The following UNC93A variants were observed in gnomAD, a reference collection of about 807,000 sequenced individuals.
UNC93A encodes the protein unc-93 homolog A.
A neutral mutation model predicts 47.5 loss-of-function variants in UNC93A; 43 were observed. The observed-to-expected ratio is 0.91, with a 90% CI of 0.71 to 1.17. The LOEUF (loss-of-function observed/expected upper bound fraction) is 1.17, where lower values mean the gene tolerates loss of function less well. UNC93A is among the 50% of genes most tolerant of loss of function. UNC93A has a pLI of 0.00. For synonymous variants in UNC93A, 280 were observed against 258.0 expected, an observed-to-expected ratio of 1.09 and a Z score of -0.82; for missense variants, 605 against 577.6, an observed-to-expected ratio of 1.05 and a Z score of -0.49.
At chr6:167,310,619 C>G (rs943932224) in intron 7 of UNC93A, among the ~76,000 whole-genome samples, 2 of 152,116 alleles carry the variant, frequency 1.3e-5, no homozygotes, top group Non-Finnish European at 2.9e-5. Flanking sequence ...GGTGTCTCAC[C>G]CCTGTAATCC....
chr6:167,298,052 C>G lies in UNC93A; in HGVS notation c.607C>G (p.Leu203Val). ...QRPSQQLVYT[L>V]LGIYTGSGVL... ...GCCCTCCCAGCAGCTGGTCTACACC[C>G]TCCTGGGCATCTACACTGGTACGAG... Residue 203 changes from leucine to valine, a missense_variant, in exon 4 of 8, where the codon CTC becomes GTC. Transcript: ENST00000230256. 6.2e-7 allele frequency: 1 copy of G among 1,613,548 alleles called. No individual in the cohort carries two copies. Among genetic ancestry groups the G allele is most frequent in the South Asian group, 1.1e-5 (1 of 91,006 alleles).
At chr6:167,279,697 G>A (rs1292435218) in intron 1 of UNC93A, among the ~76,000 whole-genome samples, 1 of 152,088 alleles carries the variant, frequency 6.6e-6, no homozygotes, top group East Asian at 1.9e-4. Flanking sequence ...TAATACTCAT[G>A]GAATTTTCCA....
At chr6:167,299,011 G>A (rs539550962) in intron 4 of UNC93A, among the ~76,000 whole-genome samples, 2 of 151,392 alleles carry the variant, frequency 1.3e-5, no homozygotes, top group East Asian at 3.9e-4. Context: ...CCAGCTACTC[G>A]GGGGGCTGAG....
chr6:167,304,568 C>CTTTCTTTT (rs1583087235), intron 5 of UNC93A, among the ~76,000 whole-genome samples: 2 of 140,442 alleles, frequency 1.4e-5, no homozygotes, highest in East Asian at 4.2e-4. Flanking sequence ...TTTTTTTTTT[C>CTTTCTTTT]TTTCTTTTTT....
rs373762700 is a variant in UNC93A, at chr6:167,274,196, A to G, written c.-52+2738A>G. Among the ~76,000 whole-genome samples, 4 of 152,138 alleles carry G rather than the reference A, an allele frequency of 2.6e-5. No individual in the cohort carries two copies. In the East Asian group the frequency reaches 7.7e-4, roughly 29 times the overall value. On this transcript the variant is annotated intron_variant, in intron 1 of 3. Coordinates refer to the UNC93A transcript ENST00000503433. ...TACACAGGGTTAGTAAGACCCCTCCAATGAGGCTTTGTGGTTTGTAGGGTG... is the reference window on the plus strand; with the variant it reads ...TACACAGGGTTAGTAAGACCCCTCCGATGAGGCTTTGTGGTTTGTAGGGTG...
chr6:167,281,858 C>T (rs887566218), intron 1 of UNC93A, among the ~76,000 whole-genome samples: 2 of 152,112 alleles, frequency 1.3e-5, no homozygotes, highest in African/African-American at 4.8e-5. Flanking sequence ...TCAGGCTCAC[C>T]CCTTGACTTT....
chr6:167,310,950 G>A (rs185851647), intron 7 of UNC93A, among the ~76,000 whole-genome samples: 6 of 152,302 alleles, frequency 3.9e-5, no homozygotes, highest in South Asian at 2.1e-4. Flanking sequence ...ACTCGCAATC[G>A]TCATGCGTGA....
At chr6:167,306,220 A>G (rs1304182773) in intron 6 of UNC93A, among the ~76,000 whole-genome samples, 170 bp downstream of exon 6, 1 of 152,174 alleles carries the variant, frequency 6.6e-6, no homozygotes, top group Non-Finnish European at 1.5e-5. Context: ...CCCCTCAACA[A>G]GCAGGAATCA....
chr6:167,294,408 T>G (rs1583073480), intron 1 of UNC93A, 109 bp from the exon 2 acceptor site: 1 of 1,335,866 alleles, frequency 7.5e-7, no homozygotes. Context: ...TGGCTGGCGG[T>G]TCCTGGGAGC....
At chr6:167,314,142 T>TG (rs1396529977) in intron 7 of UNC93A, among the ~76,000 whole-genome samples, 1 of 152,170 alleles carries the variant, frequency 6.6e-6, no homozygotes, top group Non-Finnish European at 1.5e-5. Context: ...CATTTAGTGC[T>TG]GGGCCTCCCC....
At chr6:167,307,191 G>C (rs1218914539) in intron 6 of UNC93A, among the ~76,000 whole-genome samples, 3 of 152,228 alleles carry the variant, frequency 2.0e-5, no homozygotes, top group Non-Finnish European at 2.9e-5. Flanking sequence ...GGCCCAGACA[G>C]GGTGACCTTC....
At chr6:167,272,996 T>C (rs1783474082) in intron 1 of UNC93A, among the ~76,000 whole-genome samples, 1 of 148,326 alleles carries the variant, frequency 6.7e-6, no homozygotes, top group South Asian at 2.2e-4. Flanking sequence ...AGGAGGTTCA[T>C]TCAGATGGTT....
At chr6:167,314,159 G>T (rs114691793) in intron 7 of UNC93A, among the ~76,000 whole-genome samples, 2,602 of 152,220 alleles carry the variant, frequency 0.017, 80 homozygotes, top group African/African-American at 0.059. Context: ...CCCCACACAC[G>T]GCATTGTCTC....
At chr6:167,313,554 C>T (rs1045530800) in intron 7 of UNC93A, among the ~76,000 whole-genome samples, 10 of 152,070 alleles carry the variant, frequency 6.6e-5, no homozygotes, top group African/African-American at 2.2e-4. Flanking sequence ...ACAACGATTT[C>T]TAATCACGGC....
Position 167,276,059 on chromosome 6 carries a change from C to CTT in UNC93A, c.-52+4604_-52+4605dup, listed in dbSNP as rs112367150. Among the ~76,000 whole-genome samples the CTT allele has an allele frequency of 1.4e-3, 185 of 132,326 alleles. 6 individuals are homozygous for CTT. The highest frequency in any genetic ancestry group is 9.1e-3 in the South Asian group (38 of 4,180). The allele number at this position is 132,326 out of a possible 152,430, so 86.8% of individuals were successfully genotyped here. ...CTCTATGAGATCATTTTTTTCTTTT[C>CTT]TTTTCTTTTTTTTTTTTTAGCTCAC... On this transcript the variant is annotated intron_variant, in intron 1 of 3. Transcript: ENST00000503433.
upstream of UNC93A, among the ~76,000 whole-genome samples, chr6:167,270,744 C>T (rs969607274): frequency 5.9e-5 from 9 of 152,098 alleles, no homozygotes; most frequent in African/African-American, 2.2e-4. Flanking sequence ...AGGACGAAGG[C>T]AGAGGTTGGG....
intron 7 of UNC93A, among the ~76,000 whole-genome samples, chr6:167,312,481 A>G (rs1193898232): frequency 2.6e-5 from 4 of 152,180 alleles, no homozygotes; most frequent in East Asian, 1.9e-4. Flanking sequence ...CGATGTATTT[A>G]TTACTCAATC....
chr6:167,285,960 C>CTCTA (rs534979428), intron 1 of UNC93A, among the ~76,000 whole-genome samples: 11 of 139,306 alleles, frequency 7.9e-5, no homozygotes, highest in African/African-American at 1.8e-4. Context: ...CTCTCTCTCT[C>CTCTA]TATATATATA....
At chr6:167,289,343 A>G (rs1370144508), upstream of UNC93A, among the ~76,000 whole-genome samples, 3 of 152,174 alleles carry the variant, frequency 2.0e-5, no homozygotes. Flanking sequence ...TATCTCCTCT[A>G]AGAGAAGCAT....
Sources: gnomAD v4.1 joint callset for allele counts (sites outside exome capture counted in the v4.1 genomes callset) on GRCh38, gnomAD v4.1.1 for gene constraint, MANE v1.5 for transcripts, NCBI Gene and HGNC (gene_info 2026-07-23, HGNC 2026-07-21) for gene names.